The following TMPO variants were observed in gnomAD, a reference collection of about 807,000 sequenced individuals.
TMPO encodes thymopoietin.
In TMPO, 22 loss-of-function variants were observed where a neutral mutation model predicts 45.4. The observed-to-expected ratio is 0.48, with a 90% CI of 0.35 to 0.69. TMPO has a LOEUF of 0.69. Ranked by LOEUF, TMPO falls within the 30% of genes least tolerant of loss-of-function variation. The probability of loss-of-function intolerance (pLI) is 0.01; values close to 1 mark genes in which losing one functional copy is unlikely to be tolerated. For synonymous variants in TMPO, 241 were observed against 204.1 expected (o/e 1.18, Z -1.54); for missense variants, 512 against 548.8 (o/e 0.93, Z 0.67).
chr12:98,523,557 A>T (rs757166731), intron 1 of TMPO, among the ~76,000 whole-genome samples: 12 of 151,346 alleles, frequency 7.9e-5, no homozygotes, highest in Non-Finnish European at 1.5e-4. Flanking sequence ...AAAAAAAATC[A>T]CGTTTTTGGT....
rs749721865 is a variant in TMPO, at chr12:98,547,616, T to G, written c.1123T>G (p.Leu375Val). ...AATCAAAGGGGCTGCAGGCCGGCCATTAGAACTCAGTGATTTCAGGATGGA... is the reference window on the plus strand; with the variant it reads ...AATCAAAGGGGCTGCAGGCCGGCCAGTAGAACTCAGTGATTTCAGGATGGA... ...RPIKGAAGRP[L>V]ELSDFRMEES... Residue 375 changes from leucine to valine, a missense_variant, in exon 9 of 9, where the codon TTA becomes GTA. By Grantham distance (32) the Leu-to-Val change is conservative. Around this residue, in one of 3 missense-constraint regions of TMPO, gnomAD observed 209 missense variants for 235.1 expected, o/e 0.89. Transcript: ENST00000556029. 1.9e-6 allele frequency: 3 copies of G among 1,614,228 alleles called. No homozygotes were observed. The highest frequency in any genetic ancestry group is 2.5e-6 in the Non-Finnish European group (3 of 1,180,042).
rs145179212 is a variant in TMPO, at chr12:98,528,893, A to G, written c.406+881A>G. ...AGGATTGCTTGAGATGGTGGGGGGA[A>G]GTCAAAGTTGCAGTGAGCCGTGATG... is the stretch of plus-strand genomic sequence containing the variant. On this transcript the variant is annotated intron_variant, in intron 2 of 8. Coordinates refer to ENST00000556029, the MANE Select transcript of TMPO (RefSeq NM_001032283.3). Among the ~76,000 whole-genome samples the G allele has an allele frequency of 1.0e-2, 1,515 of 152,168 alleles. 23 individuals are homozygous for G. Among genetic ancestry groups the G allele is most frequent in the African/African-American group, 0.035 (1,440 of 41,512 alleles).
chr12:98,537,399 C>A (rs1877637131), intron 3 of TMPO, 76 bp from the exon 4 acceptor site: 19 of 1,255,104 alleles, frequency 1.5e-5, no homozygotes, highest in Middle Eastern at 2.0e-4. Flanking sequence ...AACCAGGGTT[C>A]CCGATTAATA....
At chr12:98,527,636 A>G in intron 1 of TMPO, 1 of 431,672 alleles carries the variant, frequency 2.3e-6, no homozygotes, top group Non-Finnish European at 4.2e-6. Flanking sequence ...TAGATAGGTA[A>G]TCCAAAATGG....
chr12:98,535,335 C>G, intron 3 of TMPO: 1 of 983,810 alleles, frequency 1.0e-6, no homozygotes, highest in Non-Finnish European at 1.2e-6. Context: ...CTGTATAAAG[C>G]AGTGTATTAT....
rs71436918 is a variant in TMPO, at chr12:98,539,202, A to AAAAT, written c.663+1653_663+1656dup. Among the ~76,000 whole-genome samples the AAAAT allele has an allele frequency of 1.4e-3, 213 of 151,452 alleles. 1 individual carries two copies. Among genetic ancestry groups the AAAAT allele is most frequent in the East Asian group, 8.9e-3 (45 of 5,048 alleles). ...GCAACAAGAGCGAAACTCTGTCTCA[A>AAAAT]AAATAAATAAATAAATAAATAAATA... On this transcript the variant is annotated intron_variant, in intron 4 of 8. Coordinates refer to ENST00000556029, the MANE Select transcript of TMPO (RefSeq NM_001032283.3).
chr12:98,525,385 G>A (rs1876687580), intron 1 of TMPO, among the ~76,000 whole-genome samples: 1 of 152,142 alleles, frequency 6.6e-6, no homozygotes, highest in Non-Finnish European at 1.5e-5. Context: ...TTTGGCTTCT[G>A]ATTATAGAAT....
chr12:98,533,206 A>ACCACCACTGG, intron 3 of TMPO: 1 of 1,614,108 alleles, frequency 6.2e-7, no homozygotes, highest in Non-Finnish European at 8.5e-7. Context: ...GATTAAAGAA[A>ACCACCACTGG]CCACCACTGG....
chr12:98,516,713 C>T (rs1875863210), intron 1 of TMPO, among the ~76,000 whole-genome samples: 1 of 152,292 alleles, frequency 6.6e-6, no homozygotes, highest in East Asian at 1.9e-4. Flanking sequence ...TTAATTTTTC[C>T]CAGCAACAGG....
In TMPO at chr12:98,546,317, A is replaced by T. The variant is rs757522570; in HGVS notation, c.991-42A>T. The T allele has an allele frequency of 2.2e-6, 3 of 1,343,864 alleles. No homozygotes were observed. In the African/African-American group the frequency reaches 4.3e-5, roughly 19 times the overall value. 83.2% of individuals were successfully genotyped at this position (1,343,864 alleles called of 1,614,324 possible). On this transcript the variant is annotated intron_variant, in intron 7 of 8. Coordinates refer to ENST00000556029, the MANE Select transcript of TMPO (RefSeq NM_001032283.3). ...GTTTTAATTATTGCATGTTTACACT[A>T]AATTTTAACTTGTGGTTGTTTGTTT...
Position 98,527,889 on chromosome 12 carries a change from GC to G in TMPO, c.285del (p.Thr96GlnfsTer15). The part of the protein sequence containing the change: ...GRSRAAVGRK[A>X]TKKTDKPRQE... ...GATTACTGGACTTTGTTTACAGAAA[GC>G]CACAAAAAAAACTGATAAACCCAGA... On this transcript the variant is annotated frameshift_variant, in exon 2 of 9. Transcript: ENST00000556029. LOFTEE classifies it high-confidence loss of function. 6.2e-7 allele frequency: 1 copy of G among 1,613,562 alleles called. No individual in the cohort carries two copies. The highest frequency in any genetic ancestry group is 8.5e-7 in the Non-Finnish European group (1 of 1,179,838).
chr12:98,521,208 C>G (rs1043169882), intron 1 of TMPO, among the ~76,000 whole-genome samples: 2 of 148,386 alleles, frequency 1.3e-5, no homozygotes, highest in Non-Finnish European at 3.0e-5. Context: ...CCTGGGTTCA[C>G]GCCATTCTCC....
intron 1 of TMPO, among the ~76,000 whole-genome samples, chr12:98,523,161 T>C (rs372860400): frequency 3.7e-4 from 56 of 152,346 alleles, no homozygotes; most frequent in African/African-American, 1.2e-3. Context: ...AAACTGCTAA[T>C]CATGTACAGC....
At chr12:98,543,062 A>G (rs1348481130) in intron 4 of TMPO, among the ~76,000 whole-genome samples, 2 of 152,186 alleles carry the variant, frequency 1.3e-5, no homozygotes, top group Admixed American at 6.5e-5. Flanking sequence ...ATGATTTATG[A>G]GACTATGTCT....
At chr12:98,546,785 C>G (rs1270335389) in intron 8 of TMPO, among the ~76,000 whole-genome samples, 1 of 152,110 alleles carries the variant, frequency 6.6e-6, no homozygotes, top group South Asian at 2.1e-4. Flanking sequence ...TTCAAAATTG[C>G]GATTGGTAAA....
At chr12:98,519,789 C>A (rs1328904253) in intron 1 of TMPO, among the ~76,000 whole-genome samples, 1 of 151,780 alleles carries the variant, frequency 6.6e-6, no homozygotes, top group Non-Finnish European at 1.5e-5. Context: ...TTTTTATCAG[C>A]CATAGGAAAA....
chr12:98,524,747 C>T lies in TMPO; in HGVS notation c.280-3139C>T, dbSNP rs192277272. 3.2e-4 allele frequency among the ~76,000 whole-genome samples: 48 copies of T among 152,202 alleles called. 1 individual carries two copies. Among genetic ancestry groups the T allele is most frequent in the African/African-American group, 1.1e-3 (46 of 41,558 alleles). Reference sequence around the variant, plus strand: ...TAGCTGGGATTACAGGCATGTGCCACCACACCCGGCTAATTTTTGCATTTT... The same window carrying T: ...TAGCTGGGATTACAGGCATGTGCCATCACACCCGGCTAATTTTTGCATTTT... On this transcript the variant is annotated intron_variant, in intron 1 of 8. Transcript: ENST00000556029.
chr12:98,530,092 CTT>C (rs1432090138), intron 2 of TMPO, among the ~76,000 whole-genome samples: 1 of 152,054 alleles, frequency 6.6e-6, no homozygotes, highest in Non-Finnish European at 1.5e-5. Context: ...AATCCCAACA[CTT>C]TGGGAGGCCA....
rs181701704 is a variant in TMPO at position 98,543,859 on chromosome 12, T to C, written c.664-371T>C. On this transcript the variant is annotated intron_variant, in intron 4 of 8. Coordinates refer to ENST00000556029, the MANE Select transcript of TMPO (RefSeq NM_001032283.3). ...AGGAAACTGACTTATAATAGATGAC[T>C]TTTTTCTAAGTCATGATCAGTCTGC... Among the ~76,000 whole-genome samples the C allele has an allele frequency of 8.8e-3, 1,337 of 152,344 alleles. 9 individuals carry two copies. Among genetic ancestry groups the C allele is most frequent in the Non-Finnish European group, 0.014 (977 of 68,026 alleles).
Sources: gnomAD v4.1 joint callset for allele counts (sites outside exome capture counted in the v4.1 genomes callset) on GRCh38, gnomAD v4.1.1 for gene constraint, gnomAD v4.1.1 regional missense constraint, MANE v1.5 for transcripts, NCBI Gene and HGNC (gene_info 2026-07-23, HGNC 2026-07-21) for gene names.